Variants in TBL1X observed in about 807,000 individuals in gnomAD.
TBL1X encodes the protein F-box-like/WD repeat-containing protein TBL1X.
In TBL1X, 10 loss-of-function variants were observed where a neutral mutation model predicts 50.7. The observed-to-expected ratio is 0.20, with a 90% CI of 0.12 to 0.33. TBL1X has a LOEUF of 0.33. Among genes scored for constraint, TBL1X ranks in the 10% least tolerant of loss-of-function variants. TBL1X has a pLI of 1.00. For missense variants in TBL1X, 340 were observed against 504.4 expected (o/e 0.67, Z 3.12); for synonymous variants, 190 against 214.7 (o/e 0.88, Z 1.01).
intron 5 of TBL1X, among the ~76,000 whole-genome samples, chrX:9,682,797 C>G (rs776041563): frequency 2.2e-3 from 246 of 112,176 alleles, no homozygotes; most frequent in Non-Finnish European, 3.4e-3. Context: ...AGATTCTCAG[C>G]CTGCAGAGTG....
At chrX:9,658,002 T>C (rs2082874265) in intron 5 of TBL1X, among the ~76,000 whole-genome samples, 1 of 111,072 alleles carries the variant, frequency 9.0e-6, no homozygotes, top group Non-Finnish European at 1.9e-5. Flanking sequence ...TGGGAGCAGG[T>C]TTTCCCGTGC....
intron 2 of TBL1X, among the ~76,000 whole-genome samples, chrX:9,577,229 G>T (rs749049470): frequency 9.0e-6 from 1 of 111,636 alleles, no homozygotes; most frequent in Non-Finnish European, 1.9e-5. Flanking sequence ...CCCACATTCG[G>T]CTCTTGGGCA....
intron 3 of TBL1X, 26 bp from the exon 4 acceptor site, chrX:9,653,519 C>T: frequency 1.1e-6 from 1 of 944,149 alleles, no homozygotes; most frequent in Non-Finnish European, 1.5e-6. Flanking sequence ...GTGCTCCCTG[C>T]CTTCTGTGTT....
intron 1 of TBL1X, among the ~76,000 whole-genome samples, chrX:9,491,306 T>TTA (rs757466880): frequency 0.057 from 2,932 of 51,589 alleles, 88 homozygotes; most frequent in Non-Finnish European, 0.075. Flanking sequence ...GCCAGTATAT[T>TTA]TATATATATA....
At chrX:9,467,713 C>T (rs1160734070) in intron 1 of TBL1X, among the ~76,000 whole-genome samples, 1 of 111,148 alleles carries the variant, frequency 9.0e-6, no homozygotes, top group African/African-American at 3.3e-5. Context: ...CCGGTCTTGC[C>T]CCCTCCACTC....
intron 2 of TBL1X, among the ~76,000 whole-genome samples, chrX:9,576,389 A>T (rs1302988507): frequency 8.9e-6 from 1 of 112,540 alleles, no homozygotes; most frequent in African/African-American, 3.2e-5. Flanking sequence ...GACCACACCC[A>T]TCGGGAGAGA....
chrX:9,662,414 A>G lies in TBL1X; in HGVS notation c.211+8092A>G, dbSNP rs374435531. Reference sequence around the variant, plus strand: ...GGAAGGAAATTCTGACACAGGCTCCAGCACGGATGACACTTGAAGACACTA... The same window carrying G: ...GGAAGGAAATTCTGACACAGGCTCCGGCACGGATGACACTTGAAGACACTA... On this transcript the variant is annotated intron_variant, in intron 5 of 17. Coordinates refer to ENST00000645353, the MANE Select transcript of TBL1X (RefSeq NM_005647.4). 3.1e-4 allele frequency among the ~76,000 whole-genome samples: 35 copies of G among 112,124 alleles called. No homozygotes were observed. The South Asian group carries it at 0.013, about 42-fold the overall frequency.
At chrX:9,482,593 C>T (rs1003476296) in intron 1 of TBL1X, among the ~76,000 whole-genome samples, 8 of 112,012 alleles carry the variant, frequency 7.1e-5, no homozygotes, top group African/African-American at 1.9e-4. Context: ...GTCATACACC[C>T]GTGAGTACAT....
At chrX:9,486,563 C>G (rs754100243) in intron 1 of TBL1X, among the ~76,000 whole-genome samples, 68 of 104,772 alleles carry the variant, frequency 6.5e-4, no homozygotes, top group Non-Finnish European at 1.1e-3. Flanking sequence ...AGTTGCCAAT[C>G]AGAAGAATTT....
chrX:9,464,252 G>T (rs1245788131), upstream of TBL1X, among the ~76,000 whole-genome samples: 1 of 111,181 alleles, frequency 9.0e-6, no homozygotes, highest in Non-Finnish European at 1.9e-5. Context: ...AAAGCACTTT[G>T]CAAGGGCCAG....
intron 2 of TBL1X, among the ~76,000 whole-genome samples, chrX:9,593,891 C>A (rs766789171): frequency 1.1e-4 from 12 of 111,793 alleles, no homozygotes; most frequent in East Asian, 2.8e-4. Context: ...ATCCTGGTCA[C>A]CCCCTCCACT....
intron 2 of TBL1X, among the ~76,000 whole-genome samples, chrX:9,504,094 C>T (rs1479074425): frequency 9.0e-6 from 1 of 111,527 alleles, no homozygotes; most frequent in Non-Finnish European, 1.9e-5. Flanking sequence ...AGGCACCCAT[C>T]TTTGCTGCTC....
At chrX:9,551,041 G>A (rs888080197) in intron 2 of TBL1X, among the ~76,000 whole-genome samples, 2 of 111,230 alleles carry the variant, frequency 1.8e-5, no homozygotes, top group African/African-American at 6.6e-5. Context: ...GGATGTGTAG[G>A]AGCTTTACTT....
intron 2 of TBL1X, among the ~76,000 whole-genome samples, chrX:9,635,465 C>G (rs1199728857): frequency 9.0e-6 from 1 of 110,567 alleles, no homozygotes; most frequent in Non-Finnish European, 1.9e-5. Flanking sequence ...AATGGTGCAT[C>G]CTTTGTTGTC....
intron 2 of TBL1X, among the ~76,000 whole-genome samples, chrX:9,634,613 A>C (rs187180010): frequency 9.1e-6 from 1 of 110,287 alleles, no homozygotes; most frequent in African/African-American, 3.3e-5. Context: ...CGGCCTCCCA[A>C]AGTGCTGCAA....
chrX:9,715,403 G>T (rs2238876), intron 17 of TBL1X, among the ~76,000 whole-genome samples: 31,716 of 110,444 alleles, frequency 0.29, 3,655 homozygotes, highest in African/African-American at 0.39. Flanking sequence ...AAACCTAGAT[G>T]ATAATACCTG....
At chrX:9,704,713 C>T (rs1404410523) in intron 12 of TBL1X, among the ~76,000 whole-genome samples, 4 of 76,627 alleles carry the variant, frequency 5.2e-5, no homozygotes, top group Non-Finnish European at 6.9e-5. Context: ...AGCAAGAACT[C>T]GTCTCTGCAA....
intron 15 of TBL1X, among the ~76,000 whole-genome samples, chrX:9,711,309 T>G (rs1174699950): frequency 1.0e-5 from 1 of 100,056 alleles, no homozygotes; most frequent in African/African-American, 3.8e-5. Context: ...GCCACTGCAC[T>G]CCAGCCTGGG....
chrX:9,539,795 A>G (rs2082206169), intron 2 of TBL1X, among the ~76,000 whole-genome samples: 1 of 112,093 alleles, frequency 8.9e-6, no homozygotes, highest in Non-Finnish European at 1.9e-5. Context: ...AGACTGGGTT[A>G]TTACATCTTC....
Sources: gnomAD v4.1 joint callset for allele counts (sites outside exome capture counted in the v4.1 genomes callset) on GRCh38, gnomAD v4.1.1 for gene constraint, MANE v1.5 for transcripts, NCBI Gene and HGNC (gene_info 2026-07-23, HGNC 2026-07-21) for gene names.